Variants in KCNK2 observed in about 807,000 individuals in gnomAD.
The protein encoded by KCNK2 is potassium two pore domain channel subfamily K member 2, also known as potassium channel subfamily K member 2.
A neutral mutation model predicts 40.5 loss-of-function variants in KCNK2; 21 were observed. The observed-to-expected ratio is 0.52, with a 90% CI of 0.37 to 0.75. KCNK2 has a LOEUF of 0.75. Ranked by LOEUF, KCNK2 falls within the 30% of genes least tolerant of loss-of-function variation. The pLI is 0.00. For synonymous variants in KCNK2, 191 were observed against 202.2 expected (o/e 0.94, Z 0.47); for missense variants, 399 against 531.6 (o/e 0.75, Z 2.45).
intron 6 of KCNK2, among the ~76,000 whole-genome samples, chr1:215,227,678 G>T (rs188468688): frequency 6.6e-6 from 1 of 151,916 alleles, no homozygotes; most frequent in East Asian, 1.9e-4. Flanking sequence ...TGAGGGGATA[G>T]GGAATTAAGT....
intron 6 of KCNK2, among the ~76,000 whole-genome samples, chr1:215,210,896 T>A (rs10458471): frequency 0.96 from 145,877 of 152,136 alleles, 69,956 homozygotes; most frequent in East Asian, 1. Context: ...AAGTTGCCCT[T>A]CAACAGTGAT....
At chr1:215,166,627 C>G (rs902357596) in intron 3 of KCNK2, among the ~76,000 whole-genome samples, 2 of 152,062 alleles carry the variant, frequency 1.3e-5, no homozygotes, top group African/African-American at 4.8e-5. Context: ...AAATCCTGTA[C>G]AATGCACTCC....
rs141525801 is a variant in KCNK2 at position 215,009,405 on chromosome 1, T to A, written c.34+3450T>A. Among the ~76,000 whole-genome samples the A allele has an allele frequency of 1.9e-3, 286 of 152,238 alleles. 1 individual carries two copies. Among genetic ancestry groups the A allele is most frequent in the Non-Finnish European group, 1.9e-3 (126 of 67,978 alleles). ...GCAGCAGCTATTAAAGAAAATAATA[T>A]CTTGCATAGATATAGTGCCATTTTC... On this transcript the variant is annotated intron_variant, in intron 1 of 6. Coordinates refer to the KCNK2 transcript ENST00000391895.
At chr1:215,212,272 T>C (rs1418895128) in intron 6 of KCNK2, among the ~76,000 whole-genome samples, 1 of 152,188 alleles carries the variant, frequency 6.6e-6, no homozygotes, top group Non-Finnish European at 1.5e-5. Flanking sequence ...CCCTGTTTTC[T>C]AGCTAAAGAG....
At chr1:215,085,569 T>C (rs1426382526) in intron 1 of KCNK2, among the ~76,000 whole-genome samples, 1 of 152,248 alleles carries the variant, frequency 6.6e-6, no homozygotes, top group Middle Eastern at 3.2e-3. Context: ...ACAGTCAAGG[T>C]GTGAGCCACG....
chr1:215,123,747 G>A (rs1661297410), intron 2 of KCNK2, among the ~76,000 whole-genome samples: 1 of 152,088 alleles, frequency 6.6e-6, no homozygotes, highest in Non-Finnish European at 1.5e-5. Flanking sequence ...TGAAGATTAA[G>A]TAGTAAAGAT....
intron 3 of KCNK2, among the ~76,000 whole-genome samples, chr1:215,128,181 G>T (rs10465699): frequency 0.11 from 16,201 of 152,172 alleles, 2,866 homozygotes; most frequent in African/African-American, 0.36. Context: ...AGTAGGCATT[G>T]TCCCAGTTGA....
intron 1 of KCNK2, among the ~76,000 whole-genome samples, chr1:215,074,556 A>C (rs1292116921): frequency 6.6e-6 from 1 of 152,254 alleles, no homozygotes; most frequent in Admixed American, 6.5e-5. Context: ...CACAACAAAT[A>C]TAAGTTTCAA....
At chr1:215,091,055 G>A (rs981813232) in intron 2 of KCNK2, among the ~76,000 whole-genome samples, 5 of 152,116 alleles carry the variant, frequency 3.3e-5, no homozygotes, top group African/African-American at 1.2e-4. Flanking sequence ...ATTAACATAG[G>A]TACAATAGCA....
intron 5 of KCNK2, among the ~76,000 whole-genome samples, chr1:215,180,282 A>G (rs914905630): frequency 1.3e-5 from 2 of 152,152 alleles, no homozygotes; most frequent in African/African-American, 4.8e-5. Context: ...TGAAGTCAGC[A>G]GATGGATAGG....
upstream of KCNK2, among the ~76,000 whole-genome samples, chr1:215,078,663 G>T (rs982924776): frequency 3.3e-5 from 5 of 152,146 alleles, no homozygotes; most frequent in African/African-American, 1.2e-4. Flanking sequence ...TACAAGTCAA[G>T]GTGAGATATG....
intron 3 of KCNK2, among the ~76,000 whole-genome samples, 159 bp downstream of exon 3, chr1:215,124,909 CAA>C (rs1661349136): frequency 6.6e-6 from 1 of 151,936 alleles, no homozygotes; most frequent in African/African-American, 2.4e-5. Flanking sequence ...AAGATTTAAA[CAA>C]AAGAATAATG....
rs1558150247 is a variant in KCNK2, at chr1:215,230,511, A to ATATATATATATATATATATATATATATG, written c.964-4296_964-4295insATATATGTATATATATATATATATATAT. 1.7e-4 allele frequency among the ~76,000 whole-genome samples: 4 copies of ATATATATATATATATATATATATATATG among 23,822 alleles called. No individual in the cohort carries two copies. The South Asian group carries it at 0.012, about 71-fold the overall frequency. 15.6% of individuals were successfully genotyped at this position (23,822 alleles called of 152,430 possible). ...CACACACACACACACACGGCTGTAT[A>ATATATATATATATATATATATATATATG]TATATATATATATATATATATGTAT... On this transcript the variant is annotated intron_variant, in intron 6 of 6. Coordinates refer to ENST00000444842, the MANE Select transcript of KCNK2 (RefSeq NM_001017425.3).
At chr1:215,190,618 G>T (rs993049514) in intron 5 of KCNK2, among the ~76,000 whole-genome samples, 2 of 152,152 alleles carry the variant, frequency 1.3e-5, no homozygotes, top group Non-Finnish European at 2.9e-5. Context: ...ATTTCAAGGA[G>T]CCCATACAAA....
At chr1:215,228,531 CTCTT>C (rs1027187972) in intron 6 of KCNK2, among the ~76,000 whole-genome samples, 3 of 152,250 alleles carry the variant, frequency 2.0e-5, no homozygotes, top group African/African-American at 7.2e-5. Context: ...CAGTAAAGAC[CTCTT>C]TCTTCCGTAA....
At position 215,083,214 on chromosome 1, in the gene KCNK2, G is replaced by GCCCACCCCCC; in HGVS notation, c.-171_-170insCCACCCCCCC. 1 of 337,574 alleles carries GCCCACCCCCC rather than the reference G, an allele frequency of 3.0e-6. No homozygotes were observed. The highest frequency in any genetic ancestry group is 4.6e-6 in the Non-Finnish European group (1 of 219,132). 20.9% of individuals were successfully genotyped at this position (337,574 alleles called of 1,614,324 possible). Reference sequence around the variant, plus strand: ...CACGCTCCCCCCCCCGCCCCCTCCCGCGTCCAGCCCCGCTCTCCCCACCTT... The same window carrying GCCCACCCCCC: ...CACGCTCCCCCCCCCGCCCCCTCCCGCCCACCCCCCCGTCCAGCCCCGCTCTCCCCACCTT... On this transcript the variant is annotated 5_prime_UTR_variant, in exon 1 of 7. Coordinates refer to ENST00000444842, the MANE Select transcript of KCNK2 (RefSeq NM_001017425.3).
chr1:215,141,988 C>A (rs1239490064), intron 3 of KCNK2, among the ~76,000 whole-genome samples: 1 of 151,982 alleles, frequency 6.6e-6, no homozygotes, highest in Non-Finnish European at 1.5e-5. Flanking sequence ...TTTCATTTGT[C>A]TTTTGAAATT....
intron 2 of KCNK2, among the ~76,000 whole-genome samples, chr1:215,104,352 A>G (rs1488126686): frequency 2.0e-5 from 3 of 152,008 alleles, no homozygotes; most frequent in African/African-American, 7.2e-5. Flanking sequence ...TATAAATACC[A>G]TCATCGTTCT....
chr1:215,086,817 C>A (rs1481149985), intron 2 of KCNK2, 139 bp downstream of exon 2: 4 of 690,826 alleles, frequency 5.8e-6, no homozygotes, highest in Non-Finnish European at 9.9e-6. Context: ...ACATATAGCT[C>A]TTTTCCCCAG....
Sources: allele counts gnomAD v4.1 joint callset (sites outside exome capture counted in the v4.1 genomes callset), GRCh38; gene constraint gnomAD v4.1.1; transcripts MANE v1.5; gene names NCBI Gene and HGNC (gene_info 2026-07-23, HGNC 2026-07-21).